The following VPS13B variants were observed in gnomAD, a reference collection of about 807,000 sequenced individuals.
The protein encoded by VPS13B is vacuolar protein sorting 13 homolog B.
A neutral mutation model predicts 426.4 loss-of-function variants in VPS13B; 285 were observed. That is an observed-to-expected ratio of 0.67 (90% CI 0.61 to 0.74). VPS13B has a LOEUF of 0.74. VPS13B is among the 30% of genes least tolerant of loss of function. The pLI, the probability that VPS13B is intolerant of heterozygous loss-of-function variation, is 0.00. For missense variants in VPS13B, 4,537 were observed against 4,782.6 expected (o/e 0.95, Z 1.51); for synonymous variants, 1,676 against 1,676.4 (o/e 1.00, Z 0.01).
intron 25 of VPS13B, among the ~76,000 whole-genome samples, chr8:99,484,052 T>C (rs1363754552): frequency 6.6e-6 from 1 of 152,092 alleles, no homozygotes; most frequent in Non-Finnish European, 1.5e-5. Flanking sequence ...GAAAATAATA[T>C]TTGAGATGAT....
chr8:99,610,560 G>C (rs1827799726), intron 33 of VPS13B, among the ~76,000 whole-genome samples: 1 of 151,856 alleles, frequency 6.6e-6, no homozygotes, highest in African/African-American at 2.4e-5. Context: ...ACTCGGGGAG[G>C]GGAACATCAC....
intron 25 of VPS13B, among the ~76,000 whole-genome samples, chr8:99,490,319 A>T (rs1396458124): frequency 2.6e-5 from 4 of 152,008 alleles, no homozygotes; most frequent in African/African-American, 9.7e-5. Context: ...TTTATTGATG[A>T]TTTTCGCGTT....
At chr8:99,064,998 C>G (rs1476513542) in intron 3 of VPS13B, among the ~76,000 whole-genome samples, 1 of 152,108 alleles carries the variant, frequency 6.6e-6, no homozygotes, top group Non-Finnish European at 1.5e-5. Context: ...ATTTCATATC[C>G]AGCCAAACTA....
At chr8:99,353,602 CAA>C (rs200551748) in intron 19 of VPS13B, among the ~76,000 whole-genome samples, 204 of 108,732 alleles carry the variant, frequency 1.9e-3, no homozygotes, top group African/African-American at 5.6e-3. Context: ...AGACTTCTTT[CAA>C]AAAAAAAAAA....
intron 19 of VPS13B, among the ~76,000 whole-genome samples, chr8:99,327,545 G>A (rs1488380108): frequency 6.6e-6 from 1 of 152,076 alleles, no homozygotes; most frequent in Non-Finnish European, 1.5e-5. Context: ...GAGGGAAAGA[G>A]CACATGGGGT....
intron 12 of VPS13B, among the ~76,000 whole-genome samples, chr8:99,142,414 G>A (rs1810477821): frequency 6.6e-6 from 1 of 152,272 alleles, no homozygotes; most frequent in African/African-American, 2.4e-5. Flanking sequence ...AGAAAACAGT[G>A]TATGAGGAGA....
intron 19 of VPS13B, among the ~76,000 whole-genome samples, chr8:99,366,284 T>C (rs1588297242): frequency 6.6e-6 from 1 of 152,036 alleles, no homozygotes; most frequent in South Asian, 2.1e-4. Flanking sequence ...GTGTTTGGTA[T>C]ATTAAAATTT....
At chr8:99,380,809 C>A (rs182245553) in intron 19 of VPS13B, among the ~76,000 whole-genome samples, 1 of 151,250 alleles carries the variant, frequency 6.6e-6, no homozygotes, top group African/African-American at 2.4e-5. Flanking sequence ...ATCCTGAGAA[C>A]CAGCTATGGT....
intron 17 of VPS13B, among the ~76,000 whole-genome samples, chr8:99,258,959 G>GTT (rs1352599707): frequency 7.2e-4 from 109 of 152,166 alleles, no homozygotes; most frequent in African/African-American, 2.5e-3. Context: ...AATTTTTAAT[G>GTT]TATATGAACT....
chr8:99,117,560 G>A (rs554091543), intron 7 of VPS13B, among the ~76,000 whole-genome samples: 3 of 152,104 alleles, frequency 2.0e-5, no homozygotes, highest in Non-Finnish European at 2.9e-5. Flanking sequence ...GTCAACTGAT[G>A]AATGGATTAT....
intron 21 of VPS13B, among the ~76,000 whole-genome samples, chr8:99,417,752 C>T (rs1816110917): frequency 6.6e-6 from 1 of 151,854 alleles, no homozygotes; most frequent in Non-Finnish European, 1.5e-5. Flanking sequence ...TATCTCTCTA[C>T]TTCTTTTCTC....
intron 43 of VPS13B, chr8:99,796,801 G>A (rs968443264): frequency 1.3e-5 from 2 of 152,206 alleles, no homozygotes; most frequent in Admixed American, 1.3e-4. Context: ...TGTTTGCCAG[G>A]TGTCTTGGTT....
Position 99,166,465 on chromosome 8 carries a change from T to C in VPS13B, c.2209-3574T>C, listed in dbSNP as rs560258295. ...AGTGTGTGGGATTTGGCCTGTAGGC[T>C]GTAGTTGGTTTTTGTTCTGTTTTCT... On this transcript the variant is annotated intron_variant, in intron 15 of 61. Transcript: ENST00000357162. 2.0e-5 allele frequency among the ~76,000 whole-genome samples: 3 copies of C among 152,328 alleles called. No homozygotes were observed. The South Asian group carries it at 6.2e-4, about 32-fold the overall frequency.
intron 3 of VPS13B, among the ~76,000 whole-genome samples, chr8:99,076,736 CTA>C (rs1845145811): frequency 6.7e-6 from 1 of 149,916 alleles, no homozygotes; most frequent in South Asian, 2.1e-4. Context: ...TACTTCTAGT[CTA>C]TGTGTATTTA....
At chr8:99,826,504 G>A (rs118185333) in intron 51 of VPS13B, among the ~76,000 whole-genome samples, 12,322 of 152,184 alleles carry the variant, frequency 0.081, 691 homozygotes, top group Non-Finnish European at 0.12. Context: ...ATATAATCAC[G>A]CCATCTGCAA....
intron 33 of VPS13B, among the ~76,000 whole-genome samples, chr8:99,606,624 C>CTTTTTTTTTTTTT (rs1193844207): frequency 6.6e-5 from 9 of 137,232 alleles, no homozygotes; most frequent in East Asian, 2.4e-4. Context: ...TTTTCTTTTT[C>CTTTTTTTTTTTTT]TTTTCTTTTT....
chr8:99,860,379 G>A (rs935661803), intron 57 of VPS13B, among the ~76,000 whole-genome samples: 1 of 152,122 alleles, frequency 6.6e-6, no homozygotes, highest in Non-Finnish European at 1.5e-5. Flanking sequence ...GAGGACTGGG[G>A]GCTGAGCTGC....
intron 23 of VPS13B, among the ~76,000 whole-genome samples, chr8:99,456,620 C>T (rs560319215): frequency 6.6e-6 from 1 of 152,280 alleles, no homozygotes; most frequent in African/African-American, 2.4e-5. Flanking sequence ...AATTAATAAT[C>T]ATGTGAACCT....
intron 39 of VPS13B, among the ~76,000 whole-genome samples, chr8:99,746,623 T>A (rs771657419): frequency 6.6e-6 from 1 of 152,192 alleles, no homozygotes; most frequent in Non-Finnish European, 1.5e-5. Flanking sequence ...AAACTGCGAA[T>A]AGAGAGATTA....
Sources: allele counts gnomAD v4.1 joint callset (sites outside exome capture counted in the v4.1 genomes callset), GRCh38; gene constraint gnomAD v4.1.1; transcripts MANE v1.5; gene names NCBI Gene and HGNC (gene_info 2026-07-23, HGNC 2026-07-21).